Variants in ELOVL7 observed in about 807,000 individuals in gnomAD.
ELOVL7 encodes very long chain fatty acid elongase 7.
Under a neutral mutation model 35.7 loss-of-function variants are expected in ELOVL7, and 27 were observed. That is an observed-to-expected ratio of 0.76 (90% CI 0.56 to 1.04). The LOEUF is 1.04. Among genes scored for constraint, ELOVL7 ranks in the 50% least tolerant of loss-of-function variants. The probability of loss-of-function intolerance (pLI) is 0.00; values close to 1 mark genes in which losing one functional copy is unlikely to be tolerated. For missense variants in ELOVL7, 327 were observed against 340.8 expected (o/e 0.96, Z 0.32); for synonymous variants, 113 against 114.6 (o/e 0.99, Z 0.09).
At chr5:60,838,750 G>A (rs1470368713) in intron 1 of ELOVL7, among the ~76,000 whole-genome samples, 4 of 152,210 alleles carry the variant, frequency 2.6e-5, no homozygotes, top group African/African-American at 9.7e-5. Flanking sequence ...TGAGTCAGGT[G>A]TGGTGGCTCC....
intron 1 of ELOVL7, among the ~76,000 whole-genome samples, chr5:60,833,874 T>C (rs1052372598): frequency 2.6e-5 from 4 of 152,166 alleles, no homozygotes; most frequent in South Asian, 2.1e-4. Flanking sequence ...GCTATTATTA[T>C]AAAATATAAT....
intron 1 of ELOVL7, among the ~76,000 whole-genome samples, chr5:60,811,316 T>C (rs1265902288): frequency 6.6e-6 from 1 of 152,160 alleles, no homozygotes; most frequent in Non-Finnish European, 1.5e-5. Flanking sequence ...TAGAAGATAG[T>C]ATAGTCATTA....
At chr5:60,782,065 T>C (rs1012329561) in intron 3 of ELOVL7, among the ~76,000 whole-genome samples, 7 of 152,192 alleles carry the variant, frequency 4.6e-5, no homozygotes, top group Admixed American at 6.5e-5. Context: ...ACGGTTTCTA[T>C]GCATCCATTT....
Position 60,791,899 on chromosome 5 carries a change from T to G in ELOVL7, c.-34-4468A>C, listed in dbSNP as rs965152775. ...AGAATTCAAAGTATTATTCTGTATC[T>G]GTGCGATTTTTTTCCTCTTCTTCTT... On this transcript the variant is annotated intron_variant, in intron 2 of 8. Transcript: ENST00000508821. Among the ~76,000 whole-genome samples, 3 of 152,286 alleles carry G rather than the reference T, an allele frequency of 2.0e-5. No homozygotes were observed. The East Asian group carries it at 5.8e-4, about 29-fold the overall frequency.
chr5:60,752,414 A>C lies in ELOVL7; in HGVS notation c.*2210T>G, dbSNP rs1741323914. The stretch of plus-strand genomic sequence containing the variant: ...ATGAAGGTCGGAAAGTATGCAAGAA[A>C]TAAACTCTCCTGTTTCATCTCTTTT... On this transcript the variant is annotated 3_prime_UTR_variant, in exon 9 of 9. Transcript: ENST00000508821. The C allele has an allele frequency of 6.6e-6, 1 of 152,652 alleles. No individual in the cohort carries two copies. Among genetic ancestry groups the C allele is most frequent in the Admixed American group, 6.5e-5 (1 of 15,282 alleles). 9.5% of individuals were successfully genotyped at this position (152,652 alleles called of 1,614,324 possible).
At chr5:60,800,024 C>T (rs1469549150) in intron 1 of ELOVL7, among the ~76,000 whole-genome samples, 1 of 98,644 alleles carries the variant, frequency 1.0e-5, no homozygotes, top group African/African-American at 4.4e-5. Flanking sequence ...GCTCAAAACT[C>T]CATCTCAAAA....
Position 60,771,936 on chromosome 5 carries a change from G to T in ELOVL7, c.222C>A (p.Phe74Leu). 5 of 1,613,424 alleles carry T rather than the reference G, an allele frequency of 3.1e-6. No homozygotes were observed. The highest frequency in any genetic ancestry group is 4.2e-6 in the Non-Finnish European group (5 of 1,179,658). Reference sequence around the variant, plus strand: ...ACATATACACAGAAAAGAGTACTATGAAAAAATTGTACGTTATCATTGCTT... The same window carrying T: ...ACATATACACAGAAAAGAGTACTATTAAAAAATTGTACGTTATCATTGCTT... ...LKKAMITYNF[F>L]IVLFSVYMCY... The change falls in exon 4 of 9, where the codon TTC becomes TTA. Residue 74 changes from phenylalanine to leucine, a missense_variant. Physicochemically the swap from Phe to Leu is conservative, Grantham distance 22. Coordinates refer to ENST00000508821, the MANE Select transcript of ELOVL7 (RefSeq NM_024930.3).
chr5:60,791,788 C>T (rs922774378), intron 2 of ELOVL7, among the ~76,000 whole-genome samples: 2 of 152,154 alleles, frequency 1.3e-5, no homozygotes, highest in Non-Finnish European at 2.9e-5. Context: ...CCATTATTCT[C>T]AAAATTAAAC....
chr5:60,830,166 A>G (rs1746398241), intron 1 of ELOVL7, among the ~76,000 whole-genome samples: 1 of 152,160 alleles, frequency 6.6e-6, no homozygotes, highest in Admixed American at 6.6e-5. Flanking sequence ...CCATGTCTCT[A>G]TTCATTTATT....
intron 1 of ELOVL7, among the ~76,000 whole-genome samples, chr5:60,807,817 G>A (rs911795694): frequency 1.7e-4 from 25 of 151,282 alleles, no homozygotes; most frequent in African/African-American, 5.6e-4. Context: ...GGCTAACATG[G>A]TGAAACCCCG....
intron 1 of ELOVL7, among the ~76,000 whole-genome samples, chr5:60,841,403 G>A (rs930023226): frequency 6.6e-6 from 1 of 152,174 alleles, no homozygotes. Context: ...AAGGCAACCT[G>A]GTTAAATATT....
chr5:60,756,906 T>TA (rs1294498572), intron 8 of ELOVL7, among the ~76,000 whole-genome samples: 1 of 152,154 alleles, frequency 6.6e-6, no homozygotes, highest in Non-Finnish European at 1.5e-5. Flanking sequence ...CCAAAAAAAT[T>TA]AAATATCATA....
chr5:60,820,432 T>C (rs1224137988), intron 1 of ELOVL7, among the ~76,000 whole-genome samples: 1 of 152,210 alleles, frequency 6.6e-6, no homozygotes, highest in Non-Finnish European at 1.5e-5. Flanking sequence ...AGAAAACTAA[T>C]ACACTATCTT....
At chr5:60,820,721 AT>A (rs1745833338) in intron 1 of ELOVL7, among the ~76,000 whole-genome samples, 1 of 152,138 alleles carries the variant, frequency 6.6e-6, no homozygotes, top group African/African-American at 2.4e-5. Flanking sequence ...CTGATCACAA[AT>A]CAGAAACTGT....
intron 1 of ELOVL7, among the ~76,000 whole-genome samples, chr5:60,822,273 G>A (rs184978347): frequency 7.2e-5 from 11 of 152,292 alleles, no homozygotes; most frequent in Non-Finnish European, 1.5e-4. Flanking sequence ...AATAGGAAGC[G>A]CTGAAAAGGT....
intron 1 of ELOVL7, among the ~76,000 whole-genome samples, chr5:60,826,051 A>G (rs1746151907): frequency 6.6e-6 from 1 of 152,246 alleles, no homozygotes; most frequent in Non-Finnish European, 1.5e-5. Context: ...AAAAAGCATA[A>G]TGGTCTTTCC....
chr5:60,837,649 T>C lies in ELOVL7; in HGVS notation c.-86+6511A>G, dbSNP rs894719950. ...ACATGCAAGCTAAGCATAATCAAGATATCTAATGTAGGCTGGGCGCAGTGG... is the reference window on the plus strand; with the variant it reads ...ACATGCAAGCTAAGCATAATCAAGACATCTAATGTAGGCTGGGCGCAGTGG... On this transcript the variant is annotated intron_variant, in intron 1 of 8. Coordinates refer to ENST00000508821, the MANE Select transcript of ELOVL7 (RefSeq NM_024930.3). Among the ~76,000 whole-genome samples, 3 of 151,852 alleles carry C rather than the reference T, an allele frequency of 2.0e-5. No homozygotes were observed. In the South Asian group the frequency reaches 6.3e-4, roughly 32 times the overall value.
chr5:60,770,882 T>G (rs1350852171), intron 4 of ELOVL7, among the ~76,000 whole-genome samples: 1 of 152,184 alleles, frequency 6.6e-6, no homozygotes, highest in African/African-American at 2.4e-5. Context: ...GTATTTTTTG[T>G]AGACACAAGG....
At position 60,824,072 on chromosome 5, in the gene ELOVL7, A is replaced by T. The variant is rs1838610; in HGVS notation, c.-86+20088T>A. 5.0e-3 allele frequency among the ~76,000 whole-genome samples: 765 copies of T among 152,326 alleles called. 3 individuals carry two copies. The highest frequency in any genetic ancestry group is 0.026 in the South Asian group (125 of 4,828). ...TTTACCAGGTAAATATGGAAGTAGGATAAATAAAAAATTCAGACACTACCT... is the reference window on the plus strand; with the variant it reads ...TTTACCAGGTAAATATGGAAGTAGGTTAAATAAAAAATTCAGACACTACCT... On this transcript the variant is annotated intron_variant, in intron 1 of 8. Transcript: ENST00000508821.
Sources: allele counts gnomAD v4.1 joint callset (sites outside exome capture counted in the v4.1 genomes callset), GRCh38; gene constraint gnomAD v4.1.1; transcripts MANE v1.5; gene names NCBI Gene and HGNC (gene_info 2026-07-23, HGNC 2026-07-21).